Variants in PLPPR1 observed in about 807,000 individuals in gnomAD.
The protein encoded by PLPPR1 is phospholipid phosphatase related 1, also known as phospholipid phosphatase-related protein type 1.
PLPPR1 carries 10 observed loss-of-function variants against 33.1 expected under a neutral mutation model. The ratio of observed to expected loss-of-function variants is 0.30; its 90% CI spans 0.19 to 0.51. The LOEUF is 0.51. Ranked by LOEUF, PLPPR1 falls within the 20% of genes least tolerant of loss-of-function variation. PLPPR1 has a pLI of 0.97. For synonymous variants in PLPPR1, 151 were observed against 151.0 expected, an observed-to-expected ratio of 1.00 and a Z score of 0.00; for missense variants, 304 against 408.1, an observed-to-expected ratio of 0.74 and a Z score of 2.20.
chr9:101,096,414 C>T (rs7866123), intron 1 of PLPPR1, among the ~76,000 whole-genome samples: 2 of 152,076 alleles, frequency 1.3e-5, no homozygotes, highest in Admixed American at 6.5e-5. Flanking sequence ...AATGATCCAT[C>T]GGTGTCTACA....
intron 1 of PLPPR1, among the ~76,000 whole-genome samples, chr9:101,049,485 C>T (rs1021993344): frequency 6.6e-6 from 1 of 152,164 alleles, no homozygotes; most frequent in Non-Finnish European, 1.5e-5. Flanking sequence ...CTTAAAAGTA[C>T]ATACTTCATG....
At chr9:101,188,366 T>C (rs1826239420) in intron 2 of PLPPR1, among the ~76,000 whole-genome samples, 1 of 152,130 alleles carries the variant, frequency 6.6e-6, no homozygotes. Flanking sequence ...TTGAAGAAAT[T>C]TTAAAAACCT....
At chr9:101,127,148 G>A (rs1320183459) in intron 1 of PLPPR1, among the ~76,000 whole-genome samples, 1 of 151,860 alleles carries the variant, frequency 6.6e-6, no homozygotes, top group East Asian at 1.9e-4. Flanking sequence ...GTTCTTCCAA[G>A]TACTCAACTT....
intron 1 of PLPPR1, among the ~76,000 whole-genome samples, chr9:101,083,731 GGAATGCCGCATTGAATAC>G (rs1830647253): frequency 6.6e-6 from 1 of 152,170 alleles, no homozygotes; most frequent in Non-Finnish European, 1.5e-5. Flanking sequence ...GCTTGATTGA[GGAATGCCGCATTGAATAC>G]GAAGATTTAT....
At chr9:101,248,014 T>C (rs1827645998) in intron 2 of PLPPR1, among the ~76,000 whole-genome samples, 1 of 152,016 alleles carries the variant, frequency 6.6e-6, no homozygotes, top group Non-Finnish European at 1.5e-5. Context: ...CTGGGTGAGC[T>C]CATATAGCAA....
intron 2 of PLPPR1, among the ~76,000 whole-genome samples, chr9:101,190,291 C>A (rs553032209): frequency 1.8e-4 from 27 of 151,922 alleles, no homozygotes; most frequent in African/African-American, 6.5e-4. Flanking sequence ...TGAATACATT[C>A]ATTCATTCAT....
At chr9:101,158,441 A>G (rs1831726537) in intron 1 of PLPPR1, among the ~76,000 whole-genome samples, 1 of 152,226 alleles carries the variant, frequency 6.6e-6, no homozygotes, top group African/African-American at 2.4e-5. Context: ...ATCTTTCCAG[A>G]AACATGCCAT....
intron 1 of PLPPR1, among the ~76,000 whole-genome samples, chr9:101,051,780 A>T (rs967145572): frequency 1.3e-5 from 2 of 152,198 alleles, no homozygotes; most frequent in Admixed American, 1.3e-4. Context: ...TTTAATTTAG[A>T]GATACAGAGC....
chr9:101,089,203 T>C (rs1367066527), intron 1 of PLPPR1, among the ~76,000 whole-genome samples: 3 of 152,160 alleles, frequency 2.0e-5, no homozygotes, highest in Non-Finnish European at 4.4e-5. Flanking sequence ...AGAAAGTTCT[T>C]ATTCTCATTT....
intron 1 of PLPPR1, among the ~76,000 whole-genome samples, chr9:101,140,409 A>T: frequency 8.7e-6 from 1 of 114,958 alleles, no homozygotes; most frequent in South Asian, 2.8e-4. Context: ...AGGATAAAAT[A>T]GCCTTGAAAT....
chr9:101,238,951 A>AC lies in PLPPR1; in HGVS notation c.64-30928dup, dbSNP rs1827392763. On this transcript the variant is annotated intron_variant, in intron 2 of 7. Transcript: ENST00000374874. ...TTCTATTTTCCCCTTCTATGAGCTC[A>AC]CTTTTTTTTTTTTTAGCTCCTACAC... Among the ~76,000 whole-genome samples, 3 of 140,478 alleles carry AC rather than the reference A, an allele frequency of 2.1e-5. No individual in the cohort carries two copies. In the South Asian group the frequency reaches 6.7e-4, roughly 31 times the overall value. The allele number at this position is 140,478 out of a possible 152,430, so 92.2% of individuals were successfully genotyped here.
chr9:101,176,341 T>G (rs1826019482), intron 1 of PLPPR1, among the ~76,000 whole-genome samples: 1 of 151,756 alleles, frequency 6.6e-6, no homozygotes, highest in Non-Finnish European at 1.5e-5. Context: ...CTTTATTTCT[T>G]GATGAGCAAT....
At chr9:101,322,985 C>A (rs934440757) in intron 7 of PLPPR1, among the ~76,000 whole-genome samples, 1 of 152,034 alleles carries the variant, frequency 6.6e-6, no homozygotes, top group African/African-American at 2.4e-5. Flanking sequence ...TAAAAACAAA[C>A]CCCCCAAAAA....
chr9:101,223,011 G>T (rs1227378391), intron 2 of PLPPR1, among the ~76,000 whole-genome samples: 1 of 151,812 alleles, frequency 6.6e-6, no homozygotes, highest in Non-Finnish European at 1.5e-5. Flanking sequence ...ATGAAGAAAC[G>T]CATTTAAGAA....
chr9:101,291,605 T>C (rs1254198399), intron 4 of PLPPR1, among the ~76,000 whole-genome samples: 4 of 152,150 alleles, frequency 2.6e-5, no homozygotes, highest in African/African-American at 9.7e-5. Context: ...TCCAGAGGAA[T>C]GATCAGACAG....
intron 2 of PLPPR1, among the ~76,000 whole-genome samples, chr9:101,209,625 G>T (rs575255932): frequency 9.2e-5 from 14 of 152,300 alleles, no homozygotes; most frequent in African/African-American, 3.4e-4. Context: ...CCATGAAGAT[G>T]AATAGGGTAA....
At chr9:101,173,954 A>G (rs1825983177) in intron 1 of PLPPR1, among the ~76,000 whole-genome samples, 1 of 152,060 alleles carries the variant, frequency 6.6e-6, no homozygotes, top group South Asian at 2.1e-4. Context: ...TTGAGAAAAA[A>G]TGTTCCAGCC....
chr9:101,206,796 C>G (rs549279450), intron 2 of PLPPR1, among the ~76,000 whole-genome samples: 1 of 152,254 alleles, frequency 6.6e-6, no homozygotes, highest in South Asian at 2.1e-4. Context: ...TCCTCCAGAA[C>G]TCAGAGCTGC....
intron 2 of PLPPR1, among the ~76,000 whole-genome samples, chr9:101,261,304 T>C (rs1049039463): frequency 6.6e-6 from 1 of 152,200 alleles, no homozygotes; most frequent in African/African-American, 2.4e-5. Flanking sequence ...GAAAACCCCA[T>C]GAGTCCAAAG....
Sources: allele counts gnomAD v4.1 joint callset (sites outside exome capture counted in the v4.1 genomes callset), GRCh38; gene constraint gnomAD v4.1.1; transcripts MANE v1.5; gene names NCBI Gene and HGNC (gene_info 2026-07-23, HGNC 2026-07-21).